Variants in NAA38 observed in about 807,000 individuals in gnomAD.
NAA38 encodes the protein LSM domain containing 1.
NAA38 carries 15 observed loss-of-function variants against 12.6 expected under a neutral mutation model. The ratio of observed to expected loss-of-function variants is 1.19; its 90% CI spans 0.79 to 1.83. The LOEUF is 1.83. NAA38 is among the 40% of genes most tolerant of loss of function. The probability of loss-of-function intolerance (pLI) is 0.00; values close to 1 mark genes in which losing one functional copy is unlikely to be tolerated. For missense variants in NAA38, 183 were observed against 171.7 expected (o/e 1.07, Z -0.37); for synonymous variants, 88 against 69.9 (o/e 1.26, Z -1.29).
rs202176769 is a variant in NAA38, at chr17:7,857,363, G to A, written c.81+20C>T. ...GCTGCTTGACTGCCCCTCAGTCCCA[G>A]AACCAGAGCCCGTGCTAACCCCAGC... On this transcript the variant is annotated intron_variant, in intron 1 of 2. Transcript: ENST00000575771. 182 of 1,612,912 alleles carry A rather than the reference G, an allele frequency of 1.1e-4. No individual in the cohort carries two copies. The highest frequency in any genetic ancestry group is 1.4e-4 in the Non-Finnish European group (166 of 1,179,748).
intron 2 of NAA38, among the ~76,000 whole-genome samples, chr17:7,881,748 G>C (rs1967276177): frequency 6.6e-6 from 1 of 150,616 alleles, no homozygotes; most frequent in Non-Finnish European, 1.5e-5. Context: ...CAAGAGAAGA[G>C]GCAAACCAAG....
At chr17:7,875,098 GGGA>G (rs987694706) in intron 2 of NAA38, among the ~76,000 whole-genome samples, 1 of 151,302 alleles carries the variant, frequency 6.6e-6, no homozygotes, top group African/African-American at 2.4e-5. Context: ...GGGAGGATGA[GGGA>G]GGAGGAAAGC....
Position 7,884,935 on chromosome 17 carries a change from T to G in NAA38, c.-167+230A>C. On this transcript the variant is annotated intron_variant, in intron 1 of 4. Coordinates refer to the NAA38 transcript ENST00000576861. ...AGGTGGAGGCGGCCGACGAGGACGA[T>G]GAGGAGGACGACGACGAGGGAGTAC... 3 of 1,348,590 alleles carry G rather than the reference T, an allele frequency of 2.2e-6. No homozygotes were observed. The highest frequency in any genetic ancestry group is 2.9e-6 in the Non-Finnish European group (3 of 1,036,116). 83.5% of individuals were successfully genotyped at this position (1,348,590 alleles called of 1,614,324 possible). A position where few individuals can be genotyped will look rare whatever the true frequency, so the allele number is the denominator to read the frequency against.
intron 2 of NAA38, among the ~76,000 whole-genome samples, chr17:7,869,288 T>C (rs538319686): frequency 6.6e-6 from 1 of 152,314 alleles, no homozygotes; most frequent in East Asian, 1.9e-4. Flanking sequence ...AGTTATTAAG[T>C]GGCAGAGCTT....
At position 7,857,121 on chromosome 17, in the gene NAA38, CAT is replaced by C. The variant is rs1222265788; in HGVS notation, c.157_158del (p.Met53AlafsTer18). On this transcript the variant is annotated frameshift_variant, in exon 2 of 3. Coordinates refer to ENST00000575771, the MANE Select transcript of NAA38 (RefSeq NM_001320925.4). LOFTEE classifies it high-confidence loss of function. ...TCCGTCCATCTGTCATGCGAATGCGCATAGTCTTGTTGAGCAGCGCCTCTAGC... is the reference window on the plus strand; with the variant it reads ...TCCGTCCATCTGTCATGCGAATGCGCAGTCTTGTTGAGCAGCGCCTCTAGC... ...QQLEALLNKT[M>X]RIRMTDGRTL... The C allele has an allele frequency of 3.7e-6, 6 of 1,613,436 alleles. No individual in the cohort carries two copies. The highest frequency in any genetic ancestry group is 1.7e-5 in the Admixed American group (1 of 60,036).
At chr17:7,880,238 G>A (rs970365112) in intron 2 of NAA38, among the ~76,000 whole-genome samples, 5 of 151,910 alleles carry the variant, frequency 3.3e-5, no homozygotes, top group Non-Finnish European at 4.4e-5. Context: ...CAGAAAAAGA[G>A]GCTAGAATAG....
At chr17:7,880,998 G>C (rs909282431) in intron 2 of NAA38, among the ~76,000 whole-genome samples, 21 of 152,156 alleles carry the variant, frequency 1.4e-4, no homozygotes, top group African/African-American at 4.6e-4. Context: ...AGTACTGACA[G>C]ACTGACAGAG....
At chr17:7,870,785 G>C (rs1967072185) in intron 2 of NAA38, among the ~76,000 whole-genome samples, 1 of 151,912 alleles carries the variant, frequency 6.6e-6, no homozygotes, top group South Asian at 2.1e-4. Flanking sequence ...TACTCGGGAG[G>C]CTGAGGCAGG....
chr17:7,858,631 C>A, upstream of NAA38: 1 of 1,605,090 alleles, frequency 6.2e-7, no homozygotes, highest in South Asian at 1.1e-5. Flanking sequence ...GATCCGCTGA[C>A]CGGCTGCCTG....
Position 7,870,099 on chromosome 17 carries a change from CGAA to C in NAA38, c.-65-3544_-65-3542del, listed in dbSNP as rs1161966878. Among the ~76,000 whole-genome samples, 5 of 152,064 alleles carry C rather than the reference CGAA, an allele frequency of 3.3e-5. No individual in the cohort carries two copies. In the East Asian group the frequency reaches 7.7e-4, roughly 23 times the overall value. ...TTCAGTTTCCATCACAGTGGTCAATCGAAGAAGATCTACAGCTGGGCATGGTGG... is the reference window on the plus strand; with the variant it reads ...TTCAGTTTCCATCACAGTGGTCAATCGAAGATCTACAGCTGGGCATGGTGG... On this transcript the variant is annotated intron_variant, in intron 2 of 4. Coordinates refer to the NAA38 transcript ENST00000576861.
chr17:7,871,716 G>A (rs1967089225), intron 2 of NAA38, among the ~76,000 whole-genome samples: 1 of 152,158 alleles, frequency 6.6e-6, no homozygotes, highest in Non-Finnish European at 1.5e-5. Flanking sequence ...GTGCAGTGGT[G>A]CAATCTTGGC....
chr17:7,858,349 T>A (rs1327304770), upstream of NAA38: 2 of 1,614,030 alleles, frequency 1.2e-6, no homozygotes, highest in East Asian at 2.2e-5. Context: ...ACGCGCGCGT[T>A]TGCCTGGTTC....
upstream of NAA38, chr17:7,857,862 C>G (rs1019994606): frequency 7.2e-7 from 1 of 1,380,784 alleles, no homozygotes; most frequent in African/African-American, 1.5e-5. Context: ...TGCCCCACCC[C>G]GCAACTCCTG....
exon 3 of NAA38, chr17:7,866,549 C>T (rs1023823623): frequency 2.6e-5 from 32 of 1,227,184 alleles, no homozygotes; most frequent in Non-Finnish European, 3.2e-5. Flanking sequence ...CCACGTTGGC[C>T]TTTCAGTTTC....
upstream of NAA38, chr17:7,857,855 C>G (rs1362191730): frequency 7.3e-7 from 1 of 1,377,216 alleles, no homozygotes; most frequent in Non-Finnish European, 9.4e-7. Flanking sequence ...CGTTCTCTGC[C>G]CCACCCCGCA....
chr17:7,857,241 T>C, intron 1 of NAA38, 43 bp from the exon 2 acceptor site: 1 of 1,610,388 alleles, frequency 6.2e-7, no homozygotes, highest in Non-Finnish European at 8.5e-7. Flanking sequence ...CAGCCCAGGC[T>C]GCCCGCCCGC....
In NAA38 at chr17:7,867,130, T is replaced by C. The variant is rs968632224; in HGVS notation, c.-65-572A>G. On this transcript the variant is annotated intron_variant, in intron 2 of 4. Coordinates refer to the NAA38 transcript ENST00000576861. Reference sequence around the variant, plus strand: ...CAAATGCAAACGTAGATTGGAGAGTTTGGAGAGCTCGGAGGCAGAAGGAAC... The same window carrying C: ...CAAATGCAAACGTAGATTGGAGAGTCTGGAGAGCTCGGAGGCAGAAGGAAC... Among the ~76,000 whole-genome samples the C allele has an allele frequency of 2.6e-5, 4 of 151,868 alleles. No homozygotes were observed. In the East Asian group the frequency reaches 5.8e-4, roughly 22 times the overall value.
upstream of NAA38, chr17:7,857,995 A>C: frequency 6.6e-7 from 1 of 1,504,440 alleles, no homozygotes; most frequent in Non-Finnish European, 8.8e-7. Flanking sequence ...CGGTGGCCGG[A>C]AAAGGACAAT....
At chr17:7,881,405 G>A (rs1029513121) in intron 2 of NAA38, among the ~76,000 whole-genome samples, 1 of 152,020 alleles carries the variant, frequency 6.6e-6, no homozygotes, top group Non-Finnish European at 1.5e-5. Context: ...CAGGCAGACT[G>A]TCTGAGGAAC....
Sources: gnomAD v4.1 joint callset for allele counts (sites outside exome capture counted in the v4.1 genomes callset) on GRCh38, gnomAD v4.1.1 for gene constraint, MANE v1.5 for transcripts, NCBI Gene and HGNC (gene_info 2026-07-23, HGNC 2026-07-21) for gene names.